Variants in USP8 observed in about 807,000 individuals in gnomAD.
USP8 encodes ubiquitin specific peptidase 8.
A neutral mutation model predicts 130.0 loss-of-function variants in USP8; 27 were observed. That is an observed-to-expected ratio of 0.21 (90% CI 0.15 to 0.29). The LOEUF (loss-of-function observed/expected upper bound fraction) is 0.29. USP8 is among the 10% of genes least tolerant of loss of function. The pLI is 1.00. For synonymous variants in USP8, 392 were observed against 444.1 expected (o/e 0.88, Z 1.48); for missense variants, 1,029 against 1,312.2 (o/e 0.78, Z 3.33).
chr15:50,465,302 C>T (rs2051151880), intron 7 of USP8, 111 bp downstream of exon 7: 34 of 953,082 alleles, frequency 3.6e-5, no homozygotes, highest in Non-Finnish European at 4.4e-5. Context: ...TAGTCTTTTC[C>T]TGGTAACTTT....
intron 3 of USP8, among the ~76,000 whole-genome samples, chr15:50,446,523 G>C (rs1444300313): frequency 6.6e-6 from 1 of 152,104 alleles, no homozygotes; most frequent in Admixed American, 6.6e-5. Context: ...TATGATTTCT[G>C]TTAAATGGTT....
At chr15:50,457,238 TTTCATTTTGGAATATTCACTCAAA>T (rs1275741120) in intron 4 of USP8, among the ~76,000 whole-genome samples, 2 of 152,128 alleles carry the variant, frequency 1.3e-5, no homozygotes, top group African/African-American at 2.4e-5. Context: ...TTTAGAAATT[TTTCATTTTGGAATATTCACTCAAA>T]AGAGCATATA....
Position 50,498,719 on chromosome 15 carries a change from T to C in USP8, c.3162T>C (p.Phe1054=), listed in dbSNP as rs1469599919. The C allele has an allele frequency of 6.2e-7, 1 of 1,607,394 alleles. No homozygotes were observed. The highest frequency in any genetic ancestry group is 8.5e-7 in the Non-Finnish European group (1 of 1,177,190). Reference sequence around the variant, plus strand: ...ACAATTTGAAGAAATATAATTTGTTTTCTGTTTCAGTAAGTATCTCTTTGA... The same window carrying C: ...ACAATTTGAAGAAATATAATTTGTTCTCTGTTTCAGTAAGTATCTCTTTGA... ...PKNNLKKYNL[F]SVSNHYGGLD... is the part of the protein sequence containing the mutation. Residue 1054 remains phenylalanine (F), a synonymous_variant, in exon 19 of 20, where the codon TTT becomes TTC. Coordinates refer to ENST00000307179, the MANE Select transcript of USP8 (RefSeq NM_005154.5).
intron 7 of USP8, among the ~76,000 whole-genome samples, chr15:50,471,180 C>T (rs2051364527): frequency 6.6e-6 from 1 of 152,138 alleles, no homozygotes; most frequent in Non-Finnish European, 1.5e-5. Context: ...CAGTATCTGG[C>T]ACATGGTAAA....
chr15:50,440,805 CCAG>C (rs2050230598), intron 2 of USP8, among the ~76,000 whole-genome samples: 1 of 151,898 alleles, frequency 6.6e-6, no homozygotes, highest in Admixed American at 6.6e-5. Flanking sequence ...GAGTTCAAGA[CCAG>C]CCTGACTAAC....
chr15:50,477,026 T>A, intron 9 of USP8, 33 bp downstream of exon 9: 1 of 1,594,356 alleles, frequency 6.3e-7, no homozygotes, highest in Non-Finnish European at 8.5e-7. Flanking sequence ...TTAAAATTGC[T>A]TTGGTAAAAT....
chr15:50,490,777 T>C (rs1055804207), intron 14 of USP8, among the ~76,000 whole-genome samples: 2 of 152,210 alleles, frequency 1.3e-5, no homozygotes, highest in African/African-American at 4.8e-5. Context: ...ATCATTGTTA[T>C]GTTTTACAGT....
intron 4 of USP8, 86 bp from the exon 5 acceptor site, chr15:50,458,914 G>A: frequency 6.5e-7 from 1 of 1,526,954 alleles, no homozygotes; most frequent in Non-Finnish European, 9.0e-7. Context: ...CCTCAAGGCA[G>A]GATACTAATT....
At position 50,493,142 on chromosome 15, in the gene USP8, C is replaced by T. The variant is rs949917955; in HGVS notation, c.2447+229C>T. 57 of 609,564 alleles carry T rather than the reference C, an allele frequency of 9.4e-5. 1 individual carries two copies. Among genetic ancestry groups the T allele is most frequent in the East Asian group, 4.9e-4 (14 of 28,512 alleles). The allele number at this position is 609,564 out of a possible 1,614,324, so 37.8% of individuals were successfully genotyped here. On this transcript the variant is annotated intron_variant, in intron 15 of 19. Transcript: ENST00000307179. ...ATCCTCACAGGGTAGAAGGTGGAAG[C>T]GAAAGAGGACAGACTCGTCCTGTCG...
At chr15:50,467,409 A>G (rs1471963224) in intron 7 of USP8, among the ~76,000 whole-genome samples, 5 of 152,206 alleles carry the variant, frequency 3.3e-5, no homozygotes, top group Non-Finnish European at 5.9e-5. Context: ...CTTTTGAGTT[A>G]GTTTAAAGGA....
At position 50,495,487 on chromosome 15, in the gene USP8, G is replaced by GGC. The variant is rs1006435631; in HGVS notation, c.2659-360_2659-359insCG. The stretch of plus-strand genomic sequence containing the variant: ...TTTTCTTTTTTTAGTAGAGATTGGA[G>GGC]GGGGGGGTCTCACTATGTTGCACAA... On this transcript the variant is annotated intron_variant, in intron 16 of 19. Coordinates refer to ENST00000307179, the MANE Select transcript of USP8 (RefSeq NM_005154.5). 2.3e-4 allele frequency among the ~76,000 whole-genome samples: 28 copies of GGC among 123,770 alleles called. 4 individuals carry two copies. The highest frequency in any genetic ancestry group is 8.9e-4 in the African/African-American group (27 of 30,268). 81.2% of individuals were successfully genotyped at this position (123,770 alleles called of 152,430 possible).
At chr15:50,465,549 C>T (rs548791173) in intron 7 of USP8, among the ~76,000 whole-genome samples, 275 of 152,206 alleles carry the variant, frequency 1.8e-3, no homozygotes, top group Middle Eastern at 3.4e-3. Context: ...CTGTTTTCTC[C>T]TATTGGTGGT....
Position 50,481,544 on chromosome 15 carries a change from A to G in USP8, c.1282A>G (p.Thr428Ala). 6.2e-7 allele frequency: 1 copy of G among 1,611,706 alleles called. No homozygotes were observed. Among genetic ancestry groups the G allele is most frequent in the Non-Finnish European group, 8.5e-7 (1 of 1,179,472 alleles). Residue 428 changes from threonine (T) to alanine (A), a missense_variant, in exon 11 of 20, where the codon ACA (threonine) becomes GCA (alanine). Thr to Ala is a moderately conservative substitution (Grantham distance 58). Around this residue, in one of 4 missense-constraint regions of USP8, gnomAD observed 486 missense variants for 522.0 expected, o/e 0.93. Transcript: ENST00000307179. ...AGAGCATAGAATAAAATCTGAAAGT[A>G]CAAACCATGAGCAACAATCTCCTCA... ...PEEHRIKSES[T>A]NHEQQSPQSG...
intron 1 of USP8, among the ~76,000 whole-genome samples, chr15:50,437,038 T>C (rs369339319): frequency 6.6e-6 from 1 of 152,138 alleles, no homozygotes; most frequent in East Asian, 1.9e-4. Context: ...GTTACTTGCT[T>C]GTTTAACCCA....
chr15:50,509,718 T>C lies in USP8; in HGVS notation c.*10630T>C, dbSNP rs1471705434. ...CGATAAAATTAAAAATGAAAAAACA[T>C]GTAATAGCTACAGATCCTGAATAAA... On this transcript the variant is annotated 3_prime_UTR_variant, in exon 20 of 20. Coordinates refer to ENST00000307179, the MANE Select transcript of USP8 (RefSeq NM_005154.5). 2 of 152,052 alleles carry C rather than the reference T, an allele frequency of 1.3e-5. No individual in the cohort carries two copies. Among genetic ancestry groups the C allele is most frequent in the South Asian group, 2.1e-4 (1 of 4,826 alleles). The allele number at this position is 152,052 out of a possible 1,614,324, so 9.4% of individuals were successfully genotyped here. A position where few individuals can be genotyped will look rare whatever the true frequency, so the allele number is the denominator to read the frequency against.
chr15:50,429,076 G>T (rs1329324554), intron 1 of USP8, among the ~76,000 whole-genome samples: 1 of 152,188 alleles, frequency 6.6e-6, no homozygotes, highest in East Asian at 1.9e-4. Context: ...CTTATGAATT[G>T]TTTATTTCTG....
chr15:50,456,733 A>G (rs1193501641), intron 4 of USP8, among the ~76,000 whole-genome samples: 1 of 149,798 alleles, frequency 6.7e-6, no homozygotes, highest in Admixed American at 6.9e-5. Context: ...TAAAAATGCA[A>G]AAATTAGCTG....
intron 1 of USP8, among the ~76,000 whole-genome samples, chr15:50,427,829 G>A (rs187555352): frequency 2.0e-5 from 3 of 151,584 alleles, no homozygotes; most frequent in Admixed American, 1.3e-4. Flanking sequence ...AAAGTGCTGG[G>A]ATTATAGCCG....
Position 50,510,616 on chromosome 15 carries a change from G to A in USP8, c.*11528G>A, listed in dbSNP as rs1313335358. ...AAGGGATTATTTTGATCTATGAAGTGTCACGATACAAGATTTAAATCAGCA... is the reference window on the plus strand; with the variant it reads ...AAGGGATTATTTTGATCTATGAAGTATCACGATACAAGATTTAAATCAGCA... On this transcript the variant is annotated 3_prime_UTR_variant, in exon 20 of 20. Coordinates refer to ENST00000307179, the MANE Select transcript of USP8 (RefSeq NM_005154.5). 1 of 152,134 alleles carries A rather than the reference G, an allele frequency of 6.6e-6. No homozygotes were observed. Among genetic ancestry groups the A allele is most frequent in the Non-Finnish European group, 1.5e-5 (1 of 68,018 alleles). 9.4% of individuals were successfully genotyped at this position (152,134 alleles called of 1,614,324 possible). A position where few individuals can be genotyped will look rare whatever the true frequency, so the allele number is the denominator to read the frequency against.
Sources: gnomAD v4.1 joint callset for allele counts (sites outside exome capture counted in the v4.1 genomes callset) on GRCh38, gnomAD v4.1.1 for gene constraint, gnomAD v4.1.1 regional missense constraint, MANE v1.5 for transcripts, NCBI Gene and HGNC (gene_info 2026-07-23, HGNC 2026-07-21) for gene names.